BRINP1: variants seen among roughly 807,000 people sequenced by gnomAD.
BRINP1 encodes the protein BMP/retinoic acid-inducible neural-specific protein 1.
A neutral mutation model predicts 72.9 loss-of-function variants in BRINP1; 17 were observed. The ratio of observed to expected loss-of-function variants is 0.23; its 90% CI spans 0.16 to 0.35. The LOEUF (loss-of-function observed/expected upper bound fraction) is 0.35, where lower values mean the gene tolerates loss of function less well. Ranked by LOEUF, BRINP1 falls within the 10% of genes least tolerant of loss-of-function variation. BRINP1 has a pLI of 1.00. For synonymous variants in BRINP1, 418 were observed against 378.5 expected (o/e 1.10, Z -1.21); for missense variants, 850 against 1,001.6 (o/e 0.85, Z 2.04).
chr9:119,302,666 T>G (rs1354499511), intron 2 of BRINP1, among the ~76,000 whole-genome samples: 1 of 152,198 alleles, frequency 6.6e-6, no homozygotes, highest in African/African-American at 2.4e-5. Context: ...ACATCTTCTG[T>G]GTCCATTACT....
chr9:119,202,224 G>C (rs1829812291), intron 7 of BRINP1, among the ~76,000 whole-genome samples: 1 of 152,168 alleles, frequency 6.6e-6, no homozygotes, highest in Admixed American at 6.5e-5. Flanking sequence ...TCATAGGGTT[G>C]TTACAGTGAT....
At chr9:119,328,710 A>G (rs1007359046) in intron 1 of BRINP1, among the ~76,000 whole-genome samples, 2 of 152,190 alleles carry the variant, frequency 1.3e-5, no homozygotes, top group Non-Finnish European at 2.9e-5. Flanking sequence ...AGTATCAGAG[A>G]CCTGAACAAT....
intron 7 of BRINP1, among the ~76,000 whole-genome samples, chr9:119,168,875 C>T (rs1035537568): frequency 6.6e-6 from 1 of 152,154 alleles, no homozygotes; most frequent in African/African-American, 2.4e-5. Flanking sequence ...CACTTTTACA[C>T]TGTTGATGTG....
At position 119,237,346 on chromosome 9, in the gene BRINP1, C is replaced by CATCATTATTATTATT. The variant is rs1554750154; in HGVS notation, c.685+1308_685+1309insAATAATAATAATGAT. On this transcript the variant is annotated intron_variant, in intron 5 of 7. Coordinates refer to ENST00000265922, the MANE Select transcript of BRINP1 (RefSeq NM_014618.3). Reference sequence around the variant, plus strand: ...AATACCTGGGCATATTTTCTTGCTACATTATTATTATTATTATTATTATTA... The same window carrying CATCATTATTATTATT: ...AATACCTGGGCATATTTTCTTGCTACATCATTATTATTATTATTATTATTATTATTATTATTATTA... Among the ~76,000 whole-genome samples the CATCATTATTATTATT allele has an allele frequency of 9.2e-4, 134 of 145,066 alleles. No homozygotes were observed. In the Middle Eastern group the frequency reaches 0.022, roughly 24 times the overall value.
intron 5 of BRINP1, among the ~76,000 whole-genome samples, chr9:119,233,541 G>T (rs930268239): frequency 6.6e-6 from 1 of 152,102 alleles, no homozygotes; most frequent in Admixed American, 6.6e-5. Context: ...CAGCTGGGCT[G>T]AACCACCTCC....
intron 7 of BRINP1, among the ~76,000 whole-genome samples, chr9:119,203,431 G>A (rs1204572722): frequency 6.6e-6 from 1 of 152,142 alleles, no homozygotes; most frequent in East Asian, 1.9e-4. Context: ...ATTACTGAGT[G>A]CCAAGAAATT....
intron 2 of BRINP1, among the ~76,000 whole-genome samples, chr9:119,281,611 A>G (rs192731272): frequency 5.5e-4 from 84 of 152,330 alleles, no homozygotes; most frequent in African/African-American, 1.9e-3. Context: ...TTCCCTTTGG[A>G]AAAATATTCA....
rs531329438 is a variant in BRINP1, at chr9:119,167,722, G to C, written c.1648C>G (p.Gln550Glu). ...MVIGMSMRIC[Q>E]MRNSSLDPMF... ...GGGTCCAGGCTGCTGTTGCGCATCT[G>C]GCAGATGCGCATGGACATGCCGATC... The change falls in exon 8 of 8, where the codon CAG (glutamine) becomes GAG (glutamate). Residue 550 changes from glutamine to glutamate, a missense_variant. Transcript: ENST00000265922. The surrounding 1 kb of genome is among the most constrained non-coding windows in gnomAD (Gnocchi z 4.3). 2.5e-6 allele frequency: 4 copies of C among 1,614,126 alleles called. No individual in the cohort carries two copies. Among genetic ancestry groups the C allele is most frequent in the South Asian group, 1.1e-5 (1 of 91,082 alleles).
intron 1 of BRINP1, among the ~76,000 whole-genome samples, chr9:119,335,288 A>G (rs961497484): frequency 6.6e-6 from 1 of 152,190 alleles, no homozygotes; most frequent in Non-Finnish European, 1.5e-5. Context: ...CTCAGGGCCC[A>G]GCTAGGTTTC....
intron 1 of BRINP1, among the ~76,000 whole-genome samples, chr9:119,361,917 T>C (rs1587973866): frequency 6.6e-6 from 1 of 150,760 alleles, no homozygotes; most frequent in African/African-American, 2.4e-5. Flanking sequence ...GATTCTCCTG[T>C]CTCAGCCTCC....
intron 6 of BRINP1, 146 bp from the exon 7 acceptor site, chr9:119,209,087 T>C: frequency 1.5e-6 from 1 of 646,294 alleles, no homozygotes; most frequent in African/African-American, 1.8e-5. Context: ...ATTGCATTAG[T>C]CTGTCCTGCC....
At chr9:119,218,097 A>T (rs1371261105) in intron 5 of BRINP1, among the ~76,000 whole-genome samples, 1 of 152,052 alleles carries the variant, frequency 6.6e-6, no homozygotes, top group Non-Finnish European at 1.5e-5. Flanking sequence ...ATTAGAGAGT[A>T]GGCTCTAGGG....
At chr9:119,190,509 G>A (rs201310793) in intron 7 of BRINP1, among the ~76,000 whole-genome samples, 1 of 151,674 alleles carries the variant, frequency 6.6e-6, no homozygotes, top group African/African-American at 2.4e-5. Flanking sequence ...GATCATAAGG[G>A]ACTATTATGA....
chr9:119,204,375 C>T lies in BRINP1; in HGVS notation c.1145+4344G>A, dbSNP rs185775271. On this transcript the variant is annotated intron_variant, in intron 7 of 7. Coordinates refer to ENST00000265922, the MANE Select transcript of BRINP1 (RefSeq NM_014618.3). ...TTGCCTTCCAGCCAATATTAAGTTT[C>T]TAGCAAGCATTGAAGCCAAGTTTTA... Among the ~76,000 whole-genome samples the T allele has an allele frequency of 2.7e-3, 413 of 152,306 alleles. 3 individuals are homozygous for T. Among genetic ancestry groups the T allele is most frequent in the Non-Finnish European group, 2.4e-3 (160 of 68,028 alleles).
At chr9:119,202,969 GTC>G (rs2118864567) in intron 7 of BRINP1, among the ~76,000 whole-genome samples, 1 of 152,250 alleles carries the variant, frequency 6.6e-6, no homozygotes, top group African/African-American at 2.4e-5. Flanking sequence ...CAGGGAACAT[GTC>G]TTTCTGGGTT....
intron 1 of BRINP1, among the ~76,000 whole-genome samples, chr9:119,366,381 G>GCTGGGTT: frequency 6.6e-6 from 1 of 152,194 alleles, no homozygotes; most frequent in East Asian, 1.9e-4. Context: ...CAGACACTTT[G>GCTGGGTT]CTGGGTTCTG....
At chr9:119,202,971 C>T (rs1564215974) in intron 7 of BRINP1, among the ~76,000 whole-genome samples, 2 of 152,096 alleles carry the variant, frequency 1.3e-5, no homozygotes, top group South Asian at 2.1e-4. Flanking sequence ...GGGAACATGT[C>T]TTTCTGGGTT....
chr9:119,257,104 T>G (rs1830453997), intron 2 of BRINP1, among the ~76,000 whole-genome samples: 1 of 152,200 alleles, frequency 6.6e-6, no homozygotes, highest in Non-Finnish European at 1.5e-5. Context: ...TGAGCTTCCT[T>G]GCAGCTGAAG....
intron 2 of BRINP1, among the ~76,000 whole-genome samples, chr9:119,275,767 A>G (rs1830650511): frequency 6.6e-6 from 1 of 152,206 alleles, no homozygotes; most frequent in Non-Finnish European, 1.5e-5. Context: ...TATTATCTTC[A>G]AGAAGCATGC....
Sources: gnomAD v4.1 joint callset for allele counts (sites outside exome capture counted in the v4.1 genomes callset) on GRCh38, gnomAD v4.1.1 for gene constraint, Gnocchi (gnomAD v3.1) non-coding constraint, MANE v1.5 for transcripts, NCBI Gene and HGNC (gene_info 2026-07-23, HGNC 2026-07-21) for gene names.